Variants in SLC9A2 observed in about 807,000 individuals in gnomAD.
The protein encoded by SLC9A2 is sodium/hydrogen exchanger 2.
In SLC9A2, 42 loss-of-function variants were observed where a neutral mutation model predicts 71.7. The ratio of observed to expected loss-of-function variants is 0.59; its 90% confidence interval spans 0.46 to 0.76. SLC9A2 has a LOEUF of 0.76. Ranked by LOEUF, SLC9A2 falls within the 30% of genes least tolerant of loss-of-function variation. The pLI is 0.00. For synonymous variants in SLC9A2, 396 were observed against 392.5 expected, an observed-to-expected ratio of 1.01 and a Z score of -0.10; for missense variants, 829 against 1,017.4, an observed-to-expected ratio of 0.81 and a Z score of 2.52.
chr2:102,685,202 T>C (rs902728112), intron 5 of SLC9A2, among the ~76,000 whole-genome samples: 1 of 151,998 alleles, frequency 6.6e-6, no homozygotes, highest in African/African-American at 2.4e-5. Context: ...CCCAGGCAAA[T>C]GGGCTGAGGG....
chr2:102,656,582 G>A (rs895644843), intron 1 of SLC9A2, among the ~76,000 whole-genome samples: 1 of 152,182 alleles, frequency 6.6e-6, no homozygotes, highest in Non-Finnish European at 1.5e-5. Context: ...GTAGTTTCTT[G>A]AGGCATCCTG....
intron 10 of SLC9A2, 87 bp downstream of exon 10, chr2:102,704,762 A>G: frequency 2.8e-6 from 4 of 1,434,454 alleles, no homozygotes; most frequent in Non-Finnish European, 2.9e-6. Context: ...TCAGCTCTGC[A>G]GATCAAGTGG....
chr2:102,653,481 A>G (rs1676874405), intron 1 of SLC9A2, among the ~76,000 whole-genome samples: 2 of 152,160 alleles, frequency 1.3e-5, no homozygotes, highest in African/African-American at 4.8e-5. Flanking sequence ...TTATTTTGCC[A>G]TGTTTTATTT....
At chr2:102,665,051 T>G in intron 2 of SLC9A2, 49 bp from the exon 3 acceptor site, 1 of 1,573,976 alleles carries the variant, frequency 6.4e-7, no homozygotes. Context: ...AGAGTGACAA[T>G]GGGGAAATGG....
chr2:102,662,711 T>C lies in SLC9A2; in HGVS notation c.754-2389T>C, dbSNP rs995756502. ...CAGGAGTGAATAAACACGGTGTGTT[T>C]TATGGAACAGTGATGAAATCCTTTG... On this transcript the variant is annotated intron_variant, in intron 2 of 11. Transcript: ENST00000233969. Among the ~76,000 whole-genome samples, 8 of 151,876 alleles carry C rather than the reference T, an allele frequency of 5.3e-5. No homozygotes were observed. In the East Asian group the frequency reaches 1.5e-3, roughly 29 times the overall value.
intron 9 of SLC9A2, among the ~76,000 whole-genome samples, chr2:102,703,527 C>A (rs916108982): frequency 2.0e-5 from 3 of 152,180 alleles, no homozygotes; most frequent in Non-Finnish European, 4.4e-5. Context: ...AATGGAATAG[C>A]ACTTGGAGCT....
At chr2:102,658,401 G>A (rs1320951730) in intron 2 of SLC9A2, among the ~76,000 whole-genome samples, 3 of 151,794 alleles carry the variant, frequency 2.0e-5, no homozygotes, top group Admixed American at 2.0e-4. Context: ...GATGGTCTTC[G>A]ATCATAACTT....
At chr2:102,674,665 C>G (rs1291393060) in intron 3 of SLC9A2, among the ~76,000 whole-genome samples, 1 of 152,204 alleles carries the variant, frequency 6.6e-6, no homozygotes, top group Non-Finnish European at 1.5e-5. Context: ...TAGAGAGAAG[C>G]TCTGTGTTAA....
chr2:102,700,965 C>G, intron 7 of SLC9A2, 105 bp from the exon 8 acceptor site: 1 of 742,918 alleles, frequency 1.3e-6, no homozygotes, highest in Non-Finnish European at 2.2e-6. Context: ...AATGCTGCTA[C>G]TAAGTATTTT....
At chr2:102,690,968 CAAAAAAAAAA>C (rs57709703) in intron 5 of SLC9A2, among the ~76,000 whole-genome samples, 1 of 131,258 alleles carries the variant, frequency 7.6e-6, no homozygotes, top group African/African-American at 2.8e-5. Context: ...TCATTTTCTT[CAAAAAAAAAA>C]AAAAAAAAAG....
intron 1 of SLC9A2, among the ~76,000 whole-genome samples, chr2:102,624,330 G>A (rs59038885): frequency 0.083 from 12,610 of 152,172 alleles, 1,659 homozygotes; most frequent in African/African-American, 0.28. Flanking sequence ...TTGAGCAACC[G>A]TTGATTATTT....
At chr2:102,687,617 AC>A (rs1277602606) in intron 5 of SLC9A2, among the ~76,000 whole-genome samples, 1 of 152,164 alleles carries the variant, frequency 6.6e-6, no homozygotes, top group African/African-American at 2.4e-5. Context: ...CTGAGTTATA[AC>A]TATCTTCAAA....
intron 7 of SLC9A2, among the ~76,000 whole-genome samples, chr2:102,696,446 T>C (rs1007877053): frequency 3.3e-5 from 5 of 152,214 alleles, no homozygotes; most frequent in African/African-American, 1.2e-4. Context: ...GTCTGCAACT[T>C]AACACAAGGG....
chr2:102,651,406 G>T (rs553376242), intron 1 of SLC9A2, among the ~76,000 whole-genome samples: 194 of 152,212 alleles, frequency 1.3e-3, no homozygotes, highest in African/African-American at 4.3e-3. Flanking sequence ...CATTCTCCCA[G>T]CTCCAGCCAG....
At chr2:102,631,692 T>G (rs544371204) in intron 1 of SLC9A2, among the ~76,000 whole-genome samples, 1 of 152,050 alleles carries the variant, frequency 6.6e-6, no homozygotes, top group Non-Finnish European at 1.5e-5. Flanking sequence ...CTCATGGTTA[T>G]GTTATCATAA....
chr2:102,642,790 T>G (rs1340940968), intron 1 of SLC9A2, among the ~76,000 whole-genome samples: 3 of 152,204 alleles, frequency 2.0e-5, no homozygotes, highest in African/African-American at 4.8e-5. Flanking sequence ...GGAGATTTTT[T>G]GGGGGAGGAG....
intron 7 of SLC9A2, chr2:102,697,419 G>C (rs1677787594): frequency 1.3e-5 from 2 of 151,874 alleles, no homozygotes; most frequent in Admixed American, 1.3e-4. Flanking sequence ...AGATTAATTG[G>C]CTGTAAGTCC....
intron 5 of SLC9A2, among the ~76,000 whole-genome samples, chr2:102,691,311 A>G (rs1022695745): frequency 1.3e-5 from 2 of 152,126 alleles, no homozygotes; most frequent in Non-Finnish European, 2.9e-5. Context: ...TTCTGTATGG[A>G]TGGTAGCAAG....
At position 102,647,125 on chromosome 2, in the gene SLC9A2, C is replaced by T. The variant is rs142944841; in HGVS notation, c.290-10439C>T. On this transcript the variant is annotated intron_variant, in intron 1 of 11. Coordinates refer to ENST00000233969, the MANE Select transcript of SLC9A2 (RefSeq NM_003048.6). ...ATAGCAATCCATTTCTCAGACCACA[C>T]TGCAATCAAATTATAACTCAGGATT... Among the ~76,000 whole-genome samples the T allele has an allele frequency of 4.2e-4, 64 of 152,218 alleles. No individual in the cohort carries two copies. The East Asian group carries it at 0.012, about 28-fold the overall frequency.
Sources: gnomAD v4.1 joint callset for allele counts (sites outside exome capture counted in the v4.1 genomes callset) on GRCh38, gnomAD v4.1.1 for gene constraint, MANE v1.5 for transcripts, NCBI Gene and HGNC (gene_info 2026-07-23, HGNC 2026-07-21) for gene names.